The following CYB5B variants were observed in gnomAD, a reference collection of about 807,000 sequenced individuals.
The protein encoded by CYB5B is cytochrome b5 type B.
A neutral mutation model predicts 21.3 loss-of-function variants in CYB5B; 14 were observed. The ratio of observed to expected loss-of-function variants is 0.66; its 90% CI spans 0.43 to 1.03. The LOEUF is 1.03. Ranked by LOEUF, CYB5B falls within the 50% of genes least tolerant of loss-of-function variation. CYB5B has a pLI of 0.00. For missense variants in CYB5B, 166 were observed against 185.1 expected (o/e 0.90, Z 0.60); for synonymous variants, 69 against 68.4 (o/e 1.01, Z -0.04).
At chr16:69,448,598 T>A (rs901024956) in intron 3 of CYB5B, 1 of 162,784 alleles carries the variant, frequency 6.1e-6, no homozygotes, top group Admixed American at 6.2e-5. Flanking sequence ...TAATTCTTTT[T>A]TCCTGTAGGC....
Position 69,424,680 on chromosome 16 carries a change from C to A in CYB5B, c.-4C>A. 1.9e-6 allele frequency: 3 copies of A among 1,553,350 alleles called. No homozygotes were observed. Among genetic ancestry groups the A allele is most frequent in the Non-Finnish European group, 2.6e-6 (3 of 1,149,268 alleles). ...GGAATCTCAGTTAGCGGTGGAGAGG[C>A]AGTATGTCCGGTTCAATGGCGACTG... On this transcript the variant is annotated 5_prime_UTR_variant, in exon 1 of 5. Coordinates refer to ENST00000307892, the MANE Select transcript of CYB5B (RefSeq NM_030579.3).
chr16:69,426,000 C>T (rs919612362), intron 1 of CYB5B, among the ~76,000 whole-genome samples: 1 of 152,148 alleles, frequency 6.6e-6, no homozygotes, highest in Admixed American at 6.5e-5. Flanking sequence ...AAGTTTCCCC[C>T]AAAGAACATT....
At position 69,464,446 on chromosome 16, in the gene CYB5B, CA is replaced by C. The variant is rs1430628537; in HGVS notation, c.*1928del. 1 of 152,008 alleles carries C rather than the reference CA, an allele frequency of 6.6e-6. No individual in the cohort carries two copies. Among genetic ancestry groups the C allele is most frequent in the African/African-American group, 2.4e-5 (1 of 41,384 alleles). 9.4% of individuals were successfully genotyped at this position (152,008 alleles called of 1,614,324 possible). On this transcript the variant is annotated 3_prime_UTR_variant, in exon 5 of 5. Coordinates refer to ENST00000307892, the MANE Select transcript of CYB5B (RefSeq NM_030579.3). Reference sequence around the variant, plus strand: ...GACTTGATGCTTCTCTATTTAAAGGCAAGGAAGGATTGGTATATGATTGCCT... The same window carrying C: ...GACTTGATGCTTCTCTATTTAAAGGCAGGAAGGATTGGTATATGATTGCCT...
intron 1 of CYB5B, among the ~76,000 whole-genome samples, chr16:69,440,173 C>T (rs927353071): frequency 2.9e-4 from 44 of 152,272 alleles, no homozygotes; most frequent in African/African-American, 1.0e-3. Flanking sequence ...CTGCACCTGG[C>T]CCATCTTAAA....
chr16:69,426,125 C>T (rs2014643488), intron 1 of CYB5B, among the ~76,000 whole-genome samples: 1 of 152,140 alleles, frequency 6.6e-6, no homozygotes. Context: ...TCCGGTCGGG[C>T]GCGGTGGCTC....
chr16:69,426,418 C>G (rs1425876762), intron 1 of CYB5B, among the ~76,000 whole-genome samples: 4 of 134,990 alleles, frequency 3.0e-5, no homozygotes, highest in Non-Finnish European at 6.3e-5. Context: ...AAAAAAAGTA[C>G]TTTCCCGGCC....
In CYB5B at chr16:69,466,193, T is replaced by C. The variant is rs1298652156; in HGVS notation, c.*3673T>C. ...AATATTTTGAACAAAGATCTTTGTC[T>C]CTTTCTGCTGGAATGCGCACACAGT... On this transcript the variant is annotated 3_prime_UTR_variant, in exon 5 of 5. Coordinates refer to ENST00000307892, the MANE Select transcript of CYB5B (RefSeq NM_030579.3). 6.6e-6 allele frequency: 1 copy of C among 152,662 alleles called. No individual in the cohort carries two copies. Among genetic ancestry groups the C allele is most frequent in the Admixed American group, 6.5e-5 (1 of 15,282 alleles). 9.5% of individuals were successfully genotyped at this position (152,662 alleles called of 1,614,324 possible).
At chr16:69,428,477 G>A (rs2014671561) in intron 1 of CYB5B, among the ~76,000 whole-genome samples, 1 of 152,048 alleles carries the variant, frequency 6.6e-6, no homozygotes, top group Non-Finnish European at 1.5e-5. Flanking sequence ...CCAACATGGT[G>A]AAACCCCATC....
intron 1 of CYB5B, among the ~76,000 whole-genome samples, chr16:69,432,046 G>A (rs1458854895): frequency 3.3e-5 from 5 of 152,192 alleles, no homozygotes; most frequent in Admixed American, 6.5e-5. Context: ...TTGAAGTCAA[G>A]CAAGAGTTTG....
At chr16:69,442,609 G>C (rs1217811709) in intron 1 of CYB5B, among the ~76,000 whole-genome samples, 1 of 151,558 alleles carries the variant, frequency 6.6e-6, no homozygotes, top group Admixed American at 6.6e-5. Context: ...GAATTCCTTG[G>C]CTTCTGGATG....
At chr16:69,461,745 T>G (rs2015037828) in intron 4 of CYB5B, among the ~76,000 whole-genome samples, 1 of 152,196 alleles carries the variant, frequency 6.6e-6, no homozygotes, top group Non-Finnish European at 1.5e-5. Flanking sequence ...CTGTATATGC[T>G]TTGTGTGTAT....
chr16:69,435,843 T>A (rs1253803759), intron 1 of CYB5B, among the ~76,000 whole-genome samples: 1 of 152,124 alleles, frequency 6.6e-6, no homozygotes. Context: ...TTCCCCATGT[T>A]GGTCAGGCTG....
At chr16:69,433,497 C>G (rs1356523201) in intron 1 of CYB5B, among the ~76,000 whole-genome samples, 1 of 147,068 alleles carries the variant, frequency 6.8e-6, no homozygotes, top group Non-Finnish European at 1.5e-5. Context: ...AACTGTGTAT[C>G]TCAGGGATCT....
chr16:69,440,230 T>C (rs770575697), intron 1 of CYB5B, among the ~76,000 whole-genome samples: 6 of 152,216 alleles, frequency 3.9e-5, no homozygotes, highest in Non-Finnish European at 8.8e-5. Context: ...GAATATTGAA[T>C]ATTGTTGTGA....
At position 69,465,165 on chromosome 16, in the gene CYB5B, G is replaced by A. The variant is rs548879739; in HGVS notation, c.*2645G>A. ...CAGTGCCACCTGGAGCTGGTCTCTG[G>A]GGTGTTCGGTTGTTTATTCCTGAGG... On this transcript the variant is annotated 3_prime_UTR_variant, in exon 5 of 5. Transcript: ENST00000307892. The A allele has an allele frequency of 2.6e-5, 4 of 156,564 alleles. No homozygotes were observed. The Admixed American group carries it at 2.6e-4, about 10-fold the overall frequency. The allele number at this position is 156,564 out of a possible 1,614,324, so 9.7% of individuals were successfully genotyped here.
chr16:69,435,535 T>C (rs941597332), intron 1 of CYB5B, among the ~76,000 whole-genome samples: 1 of 152,218 alleles, frequency 6.6e-6, no homozygotes, highest in African/African-American at 2.4e-5. Flanking sequence ...TTGAAAGCTT[T>C]GGCATTTGAC....
chr16:69,448,254 C>T, intron 3 of CYB5B, 110 bp downstream of exon 3: 1 of 1,300,018 alleles, frequency 7.7e-7, no homozygotes, highest in Non-Finnish European at 1.1e-6. Context: ...TTACTTTTTC[C>T]CCAAGCAAAA....
intron 4 of CYB5B, among the ~76,000 whole-genome samples, chr16:69,461,008 T>TTTAGAATTTTTGTA (rs2015029984): frequency 6.6e-6 from 1 of 152,092 alleles, no homozygotes; most frequent in Admixed American, 6.5e-5. Flanking sequence ...CCATTCTCAG[T>TTTAGAATTTTTGTA]CTTTTGTACT....
chr16:69,434,142 T>C (rs969078118), intron 1 of CYB5B, among the ~76,000 whole-genome samples: 3 of 152,242 alleles, frequency 2.0e-5, no homozygotes, highest in Non-Finnish European at 4.4e-5. Flanking sequence ...TAGTACGTAC[T>C]CTTCTGTCTA....
Sources: gnomAD v4.1 joint callset for allele counts (sites outside exome capture counted in the v4.1 genomes callset) on GRCh38, gnomAD v4.1.1 for gene constraint, MANE v1.5 for transcripts, NCBI Gene and HGNC (gene_info 2026-07-23, HGNC 2026-07-21) for gene names.